The following RBM25 variants were observed in gnomAD, a reference collection of about 807,000 sequenced individuals.
RBM25 encodes RNA binding motif protein 25.
RBM25 carries 19 observed loss-of-function variants against 120.7 expected under a neutral mutation model. The observed-to-expected ratio is 0.16, with a 90% CI of 0.11 to 0.23. RBM25 has a LOEUF of 0.23. RBM25 is among the 10% of genes least tolerant of loss of function. RBM25 has a pLI of 1.00. For synonymous variants in RBM25, 390 were observed against 326.7 expected (o/e 1.19, Z -2.09); for missense variants, 605 against 1,041.5 (o/e 0.58, Z 5.77).
At chr14:73,095,178 T>A (rs1308898222) in intron 6 of RBM25, among the ~76,000 whole-genome samples, 1 of 152,154 alleles carries the variant, frequency 6.6e-6, no homozygotes, top group Non-Finnish European at 1.5e-5. Flanking sequence ...TAATAACATG[T>A]AATGCCTTAT....
chr14:73,067,770 ATT>A (rs879628242), intron 1 of RBM25, among the ~76,000 whole-genome samples: 1 of 140,804 alleles, frequency 7.1e-6, no homozygotes. Context: ...CACCCAGCTA[ATT>A]TTTTTTTTTT....
chr14:73,094,792 C>T (rs962317853), intron 6 of RBM25, among the ~76,000 whole-genome samples: 1 of 149,684 alleles, frequency 6.7e-6, no homozygotes, highest in Non-Finnish European at 1.5e-5. Flanking sequence ...TCCCAAAATG[C>T]TGGGATTACA....
intron 1 of RBM25, among the ~76,000 whole-genome samples, chr14:73,061,442 A>C (rs993035283): frequency 6.6e-6 from 1 of 151,356 alleles, no homozygotes; most frequent in African/African-American, 2.4e-5. Flanking sequence ...ATTTTTGGTA[A>C]ATATACAAAG....
intron 1 of RBM25, among the ~76,000 whole-genome samples, chr14:73,060,970 A>G (rs924135376): frequency 1.3e-5 from 2 of 149,918 alleles, no homozygotes; most frequent in Non-Finnish European, 3.0e-5. Context: ...CAGTACGACA[A>G]TCAAAATCAG....
intron 6 of RBM25, among the ~76,000 whole-genome samples, chr14:73,095,498 C>T (rs1031593247): frequency 2.6e-5 from 4 of 151,476 alleles, no homozygotes; most frequent in African/African-American, 9.7e-5. Flanking sequence ...CCCAGCTACT[C>T]AGGAGGCTAA....
intron 4 of RBM25, among the ~76,000 whole-genome samples, chr14:73,083,178 A>G (rs762948936): frequency 2.4e-4 from 37 of 152,336 alleles, no homozygotes; most frequent in Non-Finnish European, 4.3e-4. Context: ...GTTTGTTTTA[A>G]CCATTCTAAT....
Position 73,111,595 on chromosome 14 carries a change from T to C in RBM25, c.2085T>C (p.Phe695=), listed in dbSNP as rs1896310273. 1.2e-5 allele frequency: 19 copies of C among 1,614,084 alleles called. No homozygotes were observed. The highest frequency in any genetic ancestry group is 1.6e-5 in the Non-Finnish European group (19 of 1,179,994). The change falls in exon 16 of 19, where the codon TTT becomes TTC. Residue 695 remains phenylalanine (F), a synonymous_variant. Coordinates refer to ENST00000261973, the MANE Select transcript of RBM25 (RefSeq NM_021239.3). ...KRKKLPVDSV[F]NKFEDEDSDD... ...AGAAACTACCTGTAGATAGTGTCTT[T>C]AACAAATTTGAGGATGAAGACAGTG... is the stretch of plus-strand genomic sequence containing the variant.
chr14:73,060,919 A>T lies in RBM25; in HGVS notation c.-16+2214A>T, dbSNP rs1449994506. 1.3e-5 allele frequency among the ~76,000 whole-genome samples: 2 copies of T among 151,346 alleles called. 1 individual carries two copies. Among genetic ancestry groups the T allele is most frequent in the Non-Finnish European group, 3.0e-5 (2 of 67,588 alleles). ...GATGCCCCTTAACCCATAAATACTT[A>T]AGTGTATTTTCTAAAAATTAGGACT... On this transcript the variant is annotated intron_variant, in intron 1 of 18. Coordinates refer to ENST00000261973, the MANE Select transcript of RBM25 (RefSeq NM_021239.3).
At chr14:73,073,323 G>A (rs1360647602) in intron 2 of RBM25, among the ~76,000 whole-genome samples, 2 of 152,098 alleles carry the variant, frequency 1.3e-5, no homozygotes, top group Non-Finnish European at 2.9e-5. Context: ...GGTCTGAAAA[G>A]CCCCAAGATA....
At chr14:73,088,355 G>T (rs1422313673) in intron 6 of RBM25, 194 bp downstream of exon 6, 2 of 757,340 alleles carry the variant, frequency 2.6e-6, no homozygotes, top group Non-Finnish European at 4.5e-6. Context: ...ATGACTGTTG[G>T]TTTGCTTGTT....
chr14:73,065,346 T>TC (rs1323586600), intron 1 of RBM25, among the ~76,000 whole-genome samples: 1 of 152,064 alleles, frequency 6.6e-6, no homozygotes, highest in Non-Finnish European at 1.5e-5. Flanking sequence ...CGGGCTGGTC[T>TC]CCAACTCCTG....
intron 1 of RBM25, among the ~76,000 whole-genome samples, chr14:73,070,220 T>G (rs59263572): frequency 0.086 from 13,085 of 151,994 alleles, 654 homozygotes; most frequent in South Asian, 0.19. Context: ...GCTAATTTTT[T>G]TTTGTTTGTT....
intron 1 of RBM25, among the ~76,000 whole-genome samples, chr14:73,063,584 A>G (rs970297962): frequency 6.6e-6 from 1 of 151,518 alleles, no homozygotes; most frequent in African/African-American, 2.4e-5. Flanking sequence ...TAAATCCCAC[A>G]TATTATACAA....
rs200601747 is a variant in RBM25, at chr14:73,099,358, T to C, written c.730-22T>C. 6 of 1,592,824 alleles carry C rather than the reference T, an allele frequency of 3.8e-6. No homozygotes were observed. In the African/African-American group the frequency reaches 4.1e-5, roughly 11 times the overall value. The stretch of plus-strand genomic sequence containing the variant: ...CTCTGTTTTTCTTTTTTAAAAAAGA[T>C]TCTTGGTGGATTTTTTCACAGATTT... On this transcript the variant is annotated intron_variant, in intron 7 of 18. Coordinates refer to ENST00000261973, the MANE Select transcript of RBM25 (RefSeq NM_021239.3).
intron 9 of RBM25, chr14:73,100,513 T>C: frequency 4.3e-6 from 2 of 463,974 alleles, no homozygotes; most frequent in Non-Finnish European, 7.7e-6. Flanking sequence ...TGACAGTGCA[T>C]CTGTGAATGT....
chr14:73,099,036 A>G lies in RBM25; in HGVS notation c.730-344A>G, dbSNP rs1896007998. Among the ~76,000 whole-genome samples, 4 of 152,170 alleles carry G rather than the reference A, an allele frequency of 2.6e-5. No homozygotes were observed. In the South Asian group the frequency reaches 6.2e-4, roughly 24 times the overall value. Reference sequence around the variant, plus strand: ...ATTAGTGGGAAAGGAGAAAAATAACATATTTGTTTGATGTGGATTGGGAGG... The same window carrying G: ...ATTAGTGGGAAAGGAGAAAAATAACGTATTTGTTTGATGTGGATTGGGAGG... On this transcript the variant is annotated intron_variant, in intron 7 of 18. Transcript: ENST00000261973.
At chr14:73,114,142 T>C in intron 17 of RBM25, 144 bp from the exon 18 acceptor site, 1 of 565,740 alleles carries the variant, frequency 1.8e-6, no homozygotes, top group Non-Finnish European at 3.0e-6. Context: ...AAGAATGATA[T>C]TCTGAAAATT....
chr14:73,107,657 A>G, intron 12 of RBM25, 169 bp from the exon 13 acceptor site: 2 of 578,868 alleles, frequency 3.5e-6, no homozygotes, highest in Non-Finnish European at 6.0e-6. Context: ...AGTTTCATTT[A>G]TTGAAACGGC....
chr14:73,085,860 T>A (rs1481750669), intron 5 of RBM25, among the ~76,000 whole-genome samples: 3 of 152,214 alleles, frequency 2.0e-5, no homozygotes, highest in Non-Finnish European at 4.4e-5. Flanking sequence ...TTTTTTCTTT[T>A]GAATTATTGT....
Sources: allele counts gnomAD v4.1 joint callset (sites outside exome capture counted in the v4.1 genomes callset), GRCh38; gene constraint gnomAD v4.1.1; transcripts MANE v1.5; gene names NCBI Gene and HGNC (gene_info 2026-07-23, HGNC 2026-07-21).